RNGTT: variants seen among roughly 807,000 people sequenced by gnomAD.
RNGTT encodes the protein mRNA-capping enzyme.
Under a neutral mutation model 79.3 loss-of-function variants are expected in RNGTT, and 33 were observed. The ratio of observed to expected loss-of-function variants is 0.42; its 90% CI spans 0.32 to 0.56. The LOEUF (loss-of-function observed/expected upper bound fraction) is 0.56, where lower values mean the gene tolerates loss of function less well. Among genes scored for constraint, RNGTT ranks in the 20% least tolerant of loss-of-function variants. The pLI is 0.17. For synonymous variants in RNGTT, 222 were observed against 235.9 expected (o/e 0.94, Z 0.54); for missense variants, 497 against 739.1 (o/e 0.67, Z 3.80).
intron 12 of RNGTT, among the ~76,000 whole-genome samples, chr6:88,797,090 G>A (rs1779625074): frequency 6.6e-6 from 1 of 152,018 alleles, no homozygotes; most frequent in South Asian, 2.1e-4. Context: ...AAAAATTGCT[G>A]GGTAACATGA....
intron 11 of RNGTT, among the ~76,000 whole-genome samples, chr6:88,807,987 A>C (rs1196718538): frequency 5.9e-5 from 9 of 152,198 alleles, no homozygotes; most frequent in Admixed American, 5.9e-4. Context: ...GGCACAGTAG[A>C]GTTCTTTTTC....
chr6:88,667,037 G>A (rs1320842944), intron 14 of RNGTT, among the ~76,000 whole-genome samples: 1 of 152,200 alleles, frequency 6.6e-6, no homozygotes, highest in Non-Finnish European at 1.5e-5. Flanking sequence ...GAGGGTGGCA[G>A]TAATGCATTG....
At chr6:88,919,304 T>C (rs368409894) in intron 4 of RNGTT, among the ~76,000 whole-genome samples, 2 of 152,222 alleles carry the variant, frequency 1.3e-5, no homozygotes, top group African/African-American at 4.8e-5. Flanking sequence ...GCAACTTCTA[T>C]TCAAATTTTT....
At chr6:88,881,922 A>C (rs1782705414) in intron 8 of RNGTT, among the ~76,000 whole-genome samples, 1 of 152,200 alleles carries the variant, frequency 6.6e-6, no homozygotes, top group Non-Finnish European at 1.5e-5. Context: ...TCCTTAGCTT[A>C]CTAATTCTCT....
At chr6:88,808,058 G>C (rs1254002232) in intron 11 of RNGTT, among the ~76,000 whole-genome samples, 4 of 152,014 alleles carry the variant, frequency 2.6e-5, no homozygotes, top group Non-Finnish European at 4.4e-5. Context: ...AATTTTAAAA[G>C]AAAATTTTCA....
chr6:88,777,272 G>T (rs1030968975), intron 12 of RNGTT, among the ~76,000 whole-genome samples: 14 of 152,136 alleles, frequency 9.2e-5, no homozygotes, highest in African/African-American at 3.4e-4. Context: ...TTGAAACCAG[G>T]AAGTGTGATG....
At chr6:88,893,469 T>G (rs1783121157) in intron 6 of RNGTT, among the ~76,000 whole-genome samples, 1 of 152,114 alleles carries the variant, frequency 6.6e-6, no homozygotes, top group South Asian at 2.1e-4. Context: ...CAAACACTAT[T>G]TATATTTTTA....
At chr6:88,723,519 C>A (rs550698554) in intron 13 of RNGTT, among the ~76,000 whole-genome samples, 1 of 152,256 alleles carries the variant, frequency 6.6e-6, no homozygotes, top group East Asian at 1.9e-4. Flanking sequence ...CCTTTCTTTA[C>A]CTACAGTTGT....
intron 11 of RNGTT, among the ~76,000 whole-genome samples, chr6:88,836,518 G>C (rs1296447460): frequency 6.6e-6 from 1 of 152,156 alleles, no homozygotes; most frequent in African/African-American, 2.4e-5. Flanking sequence ...AAGGTGGGCA[G>C]ACTGCTTGAG....
At chr6:88,890,406 C>T in intron 8 of RNGTT, 89 bp downstream of exon 8, 1 of 820,498 alleles carries the variant, frequency 1.2e-6, no homozygotes, top group South Asian at 1.8e-5. Context: ...GAAATTCACA[C>T]TCTCAAGAGT....
intron 13 of RNGTT, among the ~76,000 whole-genome samples, chr6:88,699,869 CT>C (rs1165886772): frequency 6.6e-6 from 1 of 152,052 alleles, no homozygotes; most frequent in African/African-American, 2.4e-5. Flanking sequence ...AATATGCAAA[CT>C]CACAAATTCA....
intron 13 of RNGTT, among the ~76,000 whole-genome samples, chr6:88,724,343 G>A (rs118094346): frequency 0.018 from 2,742 of 152,146 alleles, 26 homozygotes; most frequent in Admixed American, 0.022. Context: ...TTTACTGTAC[G>A]ATTTCTTGTT....
intron 13 of RNGTT, among the ~76,000 whole-genome samples, chr6:88,754,535 C>A (rs1350291294): frequency 6.6e-6 from 1 of 152,098 alleles, no homozygotes; most frequent in Non-Finnish European, 1.5e-5. Flanking sequence ...CCCCAGTGAG[C>A]CAATAAGGAA....
chr6:88,689,569 G>C (rs1775403377), intron 13 of RNGTT, among the ~76,000 whole-genome samples: 2 of 149,842 alleles, frequency 1.3e-5, no homozygotes, highest in South Asian at 4.2e-4. Flanking sequence ...ACTCCAGCCT[G>C]GGGCAACAGA....
intron 4 of RNGTT, among the ~76,000 whole-genome samples, chr6:88,927,869 A>C (rs981589523): frequency 2.6e-5 from 4 of 151,590 alleles, no homozygotes; most frequent in African/African-American, 9.7e-5. Flanking sequence ...GAAACTTTAC[A>C]TTGCATCCTC....
At chr6:88,806,755 G>A (rs544177870) in intron 11 of RNGTT, among the ~76,000 whole-genome samples, 44 of 152,082 alleles carry the variant, frequency 2.9e-4, no homozygotes, top group African/African-American at 1.0e-3. Flanking sequence ...ATATACCCAA[G>A]GAATATAAAT....
At position 88,903,066 on chromosome 6, in the gene RNGTT, G is replaced by T. The variant is rs147692958; in HGVS notation, c.684+1649C>A. ...CAACAAGCAATGGGTTGGGGTAATA[G>T]AAGAATAAAAGCAACCATAAAGAAG... On this transcript the variant is annotated intron_variant, in intron 6 of 15. Coordinates refer to ENST00000369485, the MANE Select transcript of RNGTT (RefSeq NM_003800.5). 1.2e-3 allele frequency among the ~76,000 whole-genome samples: 180 copies of T among 152,230 alleles called. 1 individual carries two copies. The highest frequency in any genetic ancestry group is 4.2e-3 in the African/African-American group (175 of 41,548).
intron 11 of RNGTT, among the ~76,000 whole-genome samples, chr6:88,812,989 T>A (rs980491390): frequency 3.9e-5 from 6 of 152,200 alleles, no homozygotes; most frequent in Non-Finnish European, 7.3e-5. Flanking sequence ...ACAAAACTAC[T>A]AATATATGCC....
At position 88,645,002 on chromosome 6, in the gene RNGTT, G is replaced by A. The variant is rs545020959; in HGVS notation, c.1507-30607C>T. 2.6e-5 allele frequency among the ~76,000 whole-genome samples: 4 copies of A among 152,208 alleles called. No homozygotes were observed. The East Asian group carries it at 7.7e-4, about 29-fold the overall frequency. On this transcript the variant is annotated intron_variant, in intron 14 of 15. Transcript: ENST00000369485. ...AACATAGTGTTGGAAGTTCTGGCCAGGGCAATCAGGCAGGAGAAAGAAATA... is the reference window on the plus strand; with the variant it reads ...AACATAGTGTTGGAAGTTCTGGCCAAGGCAATCAGGCAGGAGAAAGAAATA...
Sources: gnomAD v4.1 joint callset for allele counts (sites outside exome capture counted in the v4.1 genomes callset) on GRCh38, gnomAD v4.1.1 for gene constraint, MANE v1.5 for transcripts, NCBI Gene and HGNC (gene_info 2026-07-23, HGNC 2026-07-21) for gene names.